CCDC148: variants seen among roughly 807,000 people sequenced by gnomAD.
CCDC148 encodes the protein coiled-coil domain containing 148, also known as coiled-coil domain-containing protein 148.
A neutral mutation model predicts 85.7 loss-of-function variants in CCDC148; 89 were observed. The ratio of observed to expected loss-of-function variants is 1.04; its 90% CI spans 0.87 to 1.24. The LOEUF is 1.24. Ranked by LOEUF, CCDC148 falls within the 50% of genes most tolerant of loss-of-function variation. CCDC148 has a pLI of 0.00. For missense variants in CCDC148, 692 were observed against 671.7 expected, an observed-to-expected ratio of 1.03 and a Z score of -0.33; for synonymous variants, 230 against 213.9, an observed-to-expected ratio of 1.08 and a Z score of -0.66.
At chr2:158,331,720 T>C (rs1693136395) in intron 7 of CCDC148, among the ~76,000 whole-genome samples, 1 of 152,220 alleles carries the variant, frequency 6.6e-6, no homozygotes, top group African/African-American at 2.4e-5. Flanking sequence ...TTTAGGATAG[T>C]TAGCTCTTCT....
At chr2:158,228,513 G>A (rs2105310310) in intron 10 of CCDC148, among the ~76,000 whole-genome samples, 1 of 152,300 alleles carries the variant, frequency 6.6e-6, no homozygotes, top group South Asian at 2.1e-4. Context: ...GCATACGTAT[G>A]TTTATTGCGG....
intron 9 of CCDC148, among the ~76,000 whole-genome samples, chr2:158,292,621 C>T: frequency 6.6e-6 from 1 of 152,104 alleles, no homozygotes; most frequent in South Asian, 2.1e-4. Context: ...TAAAGTTTCC[C>T]TAATCAAACA....
At position 158,225,161 on chromosome 2, in the gene CCDC148, T is replaced by C. The variant is rs182829465; in HGVS notation, c.1252-4448A>G. On this transcript the variant is annotated intron_variant, in intron 10 of 13. Transcript: ENST00000283233. ...ACAGGCAGGGGTTGCAATCCTAGTC[T>C]CTGATAAAACAGACTTTAAACCAAC... 4.7e-3 allele frequency among the ~76,000 whole-genome samples: 720 copies of C among 152,198 alleles called. 1 individual carries two copies. The highest frequency in any genetic ancestry group is 0.016 in the African/African-American group (656 of 41,528).
intron 1 of CCDC148, among the ~76,000 whole-genome samples, chr2:158,429,079 T>C (rs947021552): frequency 2.7e-5 from 4 of 146,140 alleles, no homozygotes; most frequent in Non-Finnish European, 5.9e-5. Flanking sequence ...ATGTGGGAAT[T>C]GAACAACGAG....
intron 1 of CCDC148, among the ~76,000 whole-genome samples, chr2:158,443,248 G>A (rs1688012771): frequency 6.6e-6 from 1 of 151,876 alleles, no homozygotes; most frequent in Non-Finnish European, 1.5e-5. Context: ...CGGGGTGGGA[G>A]GATCTCTTGG....
At chr2:158,253,195 C>T (rs1285422685) in intron 9 of CCDC148, among the ~76,000 whole-genome samples, 1 of 151,638 alleles carries the variant, frequency 6.6e-6, no homozygotes, top group Non-Finnish European at 1.5e-5. Context: ...AGTCTTTCTG[C>T]CAGAAGTATT....
At chr2:158,289,979 C>T (rs1690810802) in intron 9 of CCDC148, among the ~76,000 whole-genome samples, 1 of 152,128 alleles carries the variant, frequency 6.6e-6, no homozygotes, top group Admixed American at 6.6e-5. Flanking sequence ...GATGCATATC[C>T]AGTGATAAAA....
chr2:158,373,318 A>G (rs992905818), intron 1 of CCDC148, among the ~76,000 whole-genome samples: 5 of 152,082 alleles, frequency 3.3e-5, no homozygotes, highest in Admixed American at 2.0e-4. Flanking sequence ...GCTTGCTGTT[A>G]TTTTGGATGT....
At chr2:158,439,757 T>C (rs1687851233) in intron 1 of CCDC148, among the ~76,000 whole-genome samples, 1 of 152,168 alleles carries the variant, frequency 6.6e-6, no homozygotes, top group Non-Finnish European at 1.5e-5. Flanking sequence ...TAATGCTCAA[T>C]AAGCATATTA....
At chr2:158,340,476 T>C (rs1682625519) in intron 4 of CCDC148, 83 bp from the exon 5 acceptor site, 1 of 1,505,986 alleles carries the variant, frequency 6.6e-7, no homozygotes, top group African/African-American at 1.4e-5. Context: ...TACAGATTTA[T>C]TTGGGGATTT....
At chr2:158,365,689 GA>G (rs1684167612) in intron 1 of CCDC148, among the ~76,000 whole-genome samples, 1 of 152,106 alleles carries the variant, frequency 6.6e-6, no homozygotes, top group Non-Finnish European at 1.5e-5. Context: ...ATAGCATTAG[GA>G]GAAATACCTA....
intron 9 of CCDC148, among the ~76,000 whole-genome samples, chr2:158,290,266 C>T (rs987690530): frequency 1.3e-5 from 2 of 152,154 alleles, no homozygotes; most frequent in Non-Finnish European, 2.9e-5. Context: ...AGGGATACCC[C>T]ACCACTCAGG....
At chr2:158,208,528 G>A (rs1381882157) in intron 11 of CCDC148, among the ~76,000 whole-genome samples, 1 of 152,144 alleles carries the variant, frequency 6.6e-6, no homozygotes, top group African/African-American at 2.4e-5. Flanking sequence ...TCGAGGAGCT[G>A]TTAGGGCCCT....
intron 13 of CCDC148, among the ~76,000 whole-genome samples, chr2:158,174,290 T>A (rs945782169): frequency 6.6e-6 from 1 of 152,096 alleles, no homozygotes; most frequent in African/African-American, 2.4e-5. Flanking sequence ...GGATGTGGAT[T>A]TGAATCCAAA....
chr2:158,254,955 T>C (rs1688949135), intron 9 of CCDC148, among the ~76,000 whole-genome samples: 1 of 149,986 alleles, frequency 6.7e-6, no homozygotes, highest in African/African-American at 2.4e-5. Context: ...TTCCCTGTCT[T>C]TGGCAAGTCT....
chr2:158,225,448 A>G (rs1687454539), intron 10 of CCDC148, among the ~76,000 whole-genome samples: 1 of 152,160 alleles, frequency 6.6e-6, no homozygotes, highest in Admixed American at 6.5e-5. Context: ...CTCTGCACCA[A>G]GCAGAACTAA....
At chr2:158,448,473 G>A (rs1688254146) in intron 1 of CCDC148, among the ~76,000 whole-genome samples, 1 of 151,836 alleles carries the variant, frequency 6.6e-6, no homozygotes, top group Non-Finnish European at 1.5e-5. Flanking sequence ...TCAGACCCCT[G>A]AGGAGCTGGG....
intron 1 of CCDC148, among the ~76,000 whole-genome samples, chr2:158,451,457 C>G (rs1046438505): frequency 3.3e-5 from 5 of 152,058 alleles, no homozygotes; most frequent in Non-Finnish European, 7.4e-5. Flanking sequence ...TCTATTTCTC[C>G]TGCATTGTAT....
chr2:158,360,114 C>T (rs998629861), intron 1 of CCDC148, among the ~76,000 whole-genome samples: 3 of 152,238 alleles, frequency 2.0e-5, no homozygotes, highest in African/African-American at 7.2e-5. Flanking sequence ...TGTAGACAGA[C>T]TACTTCTGTA....
Sources: gnomAD v4.1 joint callset for allele counts (sites outside exome capture counted in the v4.1 genomes callset) on GRCh38, gnomAD v4.1.1 for gene constraint, MANE v1.5 for transcripts, NCBI Gene and HGNC (gene_info 2026-07-23, HGNC 2026-07-21) for gene names.